GAS2L3: variants seen among roughly 807,000 people sequenced by gnomAD.
GAS2L3 encodes GAS2-like protein 3.
In GAS2L3, 28 loss-of-function variants were observed where a neutral mutation model predicts 37.0. The ratio of observed to expected loss-of-function variants is 0.76; its 90% confidence interval spans 0.56 to 1.04. The LOEUF (loss-of-function observed/expected upper bound fraction) is 1.04, where lower values mean the gene tolerates loss of function less well. Ranked by LOEUF, GAS2L3 falls within the 50% of genes least tolerant of loss-of-function variation. GAS2L3 has a pLI of 0.00. For synonymous variants in GAS2L3, 290 were observed against 296.6 expected (o/e 0.98, Z 0.23); for missense variants, 793 against 817.6 (o/e 0.97, Z 0.37).
intron 6 of GAS2L3, among the ~76,000 whole-genome samples, chr12:100,614,163 C>T (rs1956159778): frequency 6.6e-6 from 1 of 151,906 alleles, no homozygotes; most frequent in African/African-American, 2.4e-5. Flanking sequence ...TTAAAATGCA[C>T]GTAAAATTTA....
intron 1 of GAS2L3, among the ~76,000 whole-genome samples, chr12:100,581,378 C>T (rs1398408306): frequency 1.3e-5 from 2 of 152,146 alleles, no homozygotes; most frequent in Non-Finnish European, 2.9e-5. Flanking sequence ...AAATTATCCA[C>T]ATGGTGTGTA....
At chr12:100,584,190 A>AG (rs1253576424) in intron 1 of GAS2L3, among the ~76,000 whole-genome samples, 1 of 152,216 alleles carries the variant, frequency 6.6e-6, no homozygotes, top group African/African-American at 2.4e-5. Context: ...AAATAGTAAA[A>AG]GGCACCATAC....
chr12:100,620,010 A>ACTT (rs1787043936), intron 8 of GAS2L3, among the ~76,000 whole-genome samples: 1 of 152,020 alleles, frequency 6.6e-6, no homozygotes, highest in African/African-American at 2.4e-5. Context: ...AGCAAACTGT[A>ACTT]CTTAGTGTTT....
intron 2 of GAS2L3, among the ~76,000 whole-genome samples, chr12:100,593,400 C>T (rs534844256): frequency 2.6e-5 from 4 of 152,246 alleles, no homozygotes; most frequent in Admixed American, 6.5e-5. Context: ...TGTGAAGACT[C>T]TTGCTAAAGT....
chr12:100,587,764 G>A (rs1361621240), intron 1 of GAS2L3, among the ~76,000 whole-genome samples: 1 of 152,058 alleles, frequency 6.6e-6, no homozygotes, highest in East Asian at 1.9e-4. Flanking sequence ...GAAATAAAGG[G>A]CATCCAGGCT....
At chr12:100,594,536 A>G (rs1955886511) in intron 2 of GAS2L3, among the ~76,000 whole-genome samples, 1 of 152,130 alleles carries the variant, frequency 6.6e-6, no homozygotes, top group East Asian at 1.9e-4. Flanking sequence ...TTATATTCAC[A>G]GGGGAAAATA....
chr12:100,618,406 G>C (rs1476225436), intron 7 of GAS2L3, 43 bp from the exon 8 acceptor site: 1 of 1,571,758 alleles, frequency 6.4e-7, no homozygotes, highest in East Asian at 2.3e-5. Context: ...CAAGTACTGG[G>C]TCAACTTTGC....
intron 1 of GAS2L3, among the ~76,000 whole-genome samples, chr12:100,589,280 C>T (rs948722449): frequency 1.3e-5 from 2 of 151,754 alleles, no homozygotes; most frequent in Non-Finnish European, 2.9e-5. Context: ...CTCTTCTATA[C>T]ACCAACAGCA....
intron 5 of GAS2L3, among the ~76,000 whole-genome samples, chr12:100,603,732 A>T (rs771176576): frequency 6.6e-6 from 1 of 152,134 alleles, no homozygotes; most frequent in African/African-American, 2.4e-5. Context: ...AGTTTTCCCA[A>T]TGTTTTCTTG....
intron 6 of GAS2L3, among the ~76,000 whole-genome samples, chr12:100,615,177 T>C (rs1203391661): frequency 6.6e-6 from 1 of 152,162 alleles, no homozygotes; most frequent in Admixed American, 6.5e-5. Flanking sequence ...TATTTGCCTG[T>C]TTTTGTTTTT....
chr12:100,578,785 A>T lies in GAS2L3; in HGVS notation c.-152+5000A>T, dbSNP rs1167839607. On this transcript the variant is annotated intron_variant, in intron 1 of 9. Coordinates refer to ENST00000547754, the MANE Select transcript of GAS2L3 (RefSeq NM_174942.3). ...AAGGTGGGCATGGCCAGCCTCCCTC[A>T]GCTACACTGTCTCAGGTTAGCCCTG... 32 of 602,170 alleles carry T rather than the reference A, an allele frequency of 5.3e-5. 1 individual carries two copies. The highest frequency in any genetic ancestry group is 5.0e-4 in the South Asian group (26 of 52,282). 37.3% of individuals were successfully genotyped at this position (602,170 alleles called of 1,614,324 possible).
At chr12:100,597,083 GAC>G (rs1227235078) in intron 3 of GAS2L3, among the ~76,000 whole-genome samples, 1 of 151,796 alleles carries the variant, frequency 6.6e-6, no homozygotes, top group South Asian at 2.1e-4. Flanking sequence ...TCTCTAATGT[GAC>G]AAGAAGTAAA....
chr12:100,575,476 A>ATTTT (rs58446699), intron 1 of GAS2L3, among the ~76,000 whole-genome samples: 2,034 of 88,748 alleles, frequency 0.023, 191 homozygotes, highest in African/African-American at 0.036. Flanking sequence ...TGTTATCTCT[A>ATTTT]TTTTTTTTTT....
chr12:100,588,038 C>T (rs1262980444), intron 1 of GAS2L3, among the ~76,000 whole-genome samples: 3 of 151,806 alleles, frequency 2.0e-5, no homozygotes, highest in South Asian at 2.1e-4. Flanking sequence ...GGTGACAGAG[C>T]GAGACTCCAT....
At chr12:100,598,476 G>A (rs2136455850) in intron 3 of GAS2L3, among the ~76,000 whole-genome samples, 1 of 152,104 alleles carries the variant, frequency 6.6e-6, no homozygotes, top group Non-Finnish European at 1.5e-5. Flanking sequence ...ATTTTGATTT[G>A]TCCCATTATT....
At chr12:100,588,794 A>G (rs1955811236) in intron 1 of GAS2L3, among the ~76,000 whole-genome samples, 1 of 152,170 alleles carries the variant, frequency 6.6e-6, no homozygotes, top group South Asian at 2.1e-4. Context: ...ATTCCTTGCT[A>G]GAAAAAGAAC....
intron 1 of GAS2L3, among the ~76,000 whole-genome samples, chr12:100,574,869 G>C (rs542776431): frequency 3.5e-4 from 53 of 152,270 alleles, no homozygotes; most frequent in African/African-American, 1.2e-3. Flanking sequence ...CTAGTGATCT[G>C]GTGTAGATGC....
intron 1 of GAS2L3, among the ~76,000 whole-genome samples, chr12:100,577,960 T>C (rs1206478151): frequency 6.6e-6 from 1 of 152,204 alleles, no homozygotes; most frequent in Non-Finnish European, 1.5e-5. Context: ...ATCCTACAAA[T>C]CTTTGTTAGC....
At chr12:100,586,405 C>CT (rs1418409767) in intron 1 of GAS2L3, among the ~76,000 whole-genome samples, 2 of 152,146 alleles carry the variant, frequency 1.3e-5, no homozygotes, top group East Asian at 3.9e-4. Context: ...AGGAGTAATA[C>CT]TAGAAATCAA....
Sources: allele counts gnomAD v4.1 joint callset (sites outside exome capture counted in the v4.1 genomes callset), GRCh38; gene constraint gnomAD v4.1.1; transcripts MANE v1.5; gene names NCBI Gene and HGNC (gene_info 2026-07-23, HGNC 2026-07-21).